The following CALD1 variants were observed in gnomAD, a reference collection of about 807,000 sequenced individuals.
CALD1 encodes the protein caldesmon 1.
A neutral mutation model predicts 99.9 loss-of-function variants in CALD1; 33 were observed. The ratio of observed to expected loss-of-function variants is 0.33; its 90% CI spans 0.25 to 0.44. CALD1 has a LOEUF of 0.44. CALD1 is among the 20% of genes least tolerant of loss of function. The pLI, the probability that CALD1 is intolerant of heterozygous loss-of-function variation, is 1.00. For missense variants in CALD1, 861 were observed against 962.1 expected (o/e 0.89, Z 1.39); for synonymous variants, 310 against 325.0 (o/e 0.95, Z 0.50).
intron 1 of CALD1, among the ~76,000 whole-genome samples, chr7:134,787,781 G>C (rs1295427577): frequency 6.6e-6 from 1 of 152,074 alleles, no homozygotes; most frequent in East Asian, 1.9e-4. Flanking sequence ...CTGAGTACAT[G>C]GATTATATTC....
chr7:134,946,181 AATTATAGTATATCAGT>A (rs1392670495), intron 7 of CALD1, among the ~76,000 whole-genome samples: 21 of 152,156 alleles, frequency 1.4e-4, no homozygotes, highest in African/African-American at 4.8e-4. Flanking sequence ...ATGATATAGA[AATTATAGTATATCAGT>A]ATGATATCAG....
chr7:134,730,765 T>A, the CALD1 span, among the ~76,000 whole-genome samples: 1 of 152,156 alleles, frequency 6.6e-6, no homozygotes, highest in Non-Finnish European at 1.5e-5. Context: ...AGGATTAAAA[T>A]AGACTTTTGG....
chr7:134,715,792 T>G, the CALD1 span, among the ~76,000 whole-genome samples: 1 of 152,212 alleles, frequency 6.6e-6, no homozygotes, highest in Non-Finnish European at 1.5e-5. Flanking sequence ...AGGCCATGTG[T>G]GGAAAATTTT....
chr7:134,791,298 G>T (rs1797523013), intron 1 of CALD1, among the ~76,000 whole-genome samples: 1 of 152,338 alleles, frequency 6.6e-6, no homozygotes, highest in East Asian at 1.9e-4. Flanking sequence ...CTGGGTTCAA[G>T]CGATTCTTTC....
At chr7:134,839,231 T>G (rs1799558669) in intron 1 of CALD1, among the ~76,000 whole-genome samples, 1 of 152,270 alleles carries the variant, frequency 6.6e-6, no homozygotes, top group African/African-American at 2.4e-5. Context: ...CTGAGATTGA[T>G]TGCCTGAGCA....
chr7:134,816,073 G>C (rs1798551011), intron 1 of CALD1, among the ~76,000 whole-genome samples: 1 of 152,172 alleles, frequency 6.6e-6, no homozygotes. Context: ...CCTATCTAAA[G>C]TTTTACTAAT....
chr7:134,950,680 G>C (rs1406823444), intron 9 of CALD1, among the ~76,000 whole-genome samples, 166 bp downstream of exon 9: 1 of 152,180 alleles, frequency 6.6e-6, no homozygotes, highest in African/African-American at 2.4e-5. Flanking sequence ...CTGGGGCCAG[G>C]CACGGTGGCT....
chr7:134,755,831 T>C (rs1367591337), intron 1 of CALD1, among the ~76,000 whole-genome samples: 1 of 152,240 alleles, frequency 6.6e-6, no homozygotes, highest in Non-Finnish European at 1.5e-5. Flanking sequence ...TAATCTTTCC[T>C]ACCCAAAGTA....
intron 3 of CALD1, among the ~76,000 whole-genome samples, chr7:134,885,890 G>A (rs966505269): frequency 6.6e-6 from 1 of 151,574 alleles, no homozygotes; most frequent in African/African-American, 2.4e-5. Flanking sequence ...TTTTGTAGAT[G>A]TGCACCAGCC....
chr7:134,722,804 T>C, the CALD1 span, among the ~76,000 whole-genome samples: 1 of 152,146 alleles, frequency 6.6e-6, no homozygotes, highest in Non-Finnish European at 1.5e-5. Context: ...TTTACTTCCA[T>C]TTACCCACAG....
intron 3 of CALD1, among the ~76,000 whole-genome samples, chr7:134,914,195 G>T (rs543380673): frequency 6.6e-6 from 1 of 152,252 alleles, no homozygotes; most frequent in African/African-American, 2.4e-5. Context: ...ATACGAGGTG[G>T]GCAAAGTGAG....
intron 1 of CALD1, among the ~76,000 whole-genome samples, chr7:134,768,646 G>T (rs538875394): frequency 6.6e-6 from 1 of 152,132 alleles, no homozygotes; most frequent in South Asian, 2.1e-4. Flanking sequence ...CTAGTTCTCT[G>T]GGGGGAGAAT....
chr7:134,742,016 TAC>T (rs112633191), upstream of CALD1, among the ~76,000 whole-genome samples: 2,511 of 147,738 alleles, frequency 0.017, 26 homozygotes, highest in Middle Eastern at 0.028. Context: ...GAGGTATTGA[TAC>T]ACACACACAC....
At chr7:134,712,054 G>A in the CALD1 span, among the ~76,000 whole-genome samples, 1 of 138,046 alleles carries the variant, frequency 7.2e-6, no homozygotes, top group African/African-American at 2.8e-5. Flanking sequence ...AGAGAGGGAG[G>A]GAGGGAGGGA....
At chr7:134,747,951 A>G (rs1796650304) in intron 1 of CALD1, among the ~76,000 whole-genome samples, 2 of 152,166 alleles carry the variant, frequency 1.3e-5, no homozygotes, top group African/African-American at 2.4e-5. Context: ...TCAACTCCAA[A>G]CAGAGAGAGC....
At chr7:134,928,733 G>A in intron 3 of CALD1, 21 bp from the exon 4 acceptor site, 1 of 1,611,196 alleles carries the variant, frequency 6.2e-7, no homozygotes, top group Non-Finnish European at 8.5e-7. Flanking sequence ...CGCTCAAGAG[G>A]TTGTCTTTGT....
intron 3 of CALD1, among the ~76,000 whole-genome samples, chr7:134,901,959 A>C (rs1370267873): frequency 6.6e-6 from 1 of 152,076 alleles, no homozygotes; most frequent in Non-Finnish European, 1.5e-5. Context: ...CTGGGGGTTA[A>C]GACTTTAACA....
At chr7:134,907,218 G>A (rs1348695940) in intron 3 of CALD1, among the ~76,000 whole-genome samples, 2 of 152,094 alleles carry the variant, frequency 1.3e-5, no homozygotes, top group African/African-American at 4.8e-5. Flanking sequence ...TCATAACAGG[G>A]AGATGTCTCA....
At chr7:134,733,285 C>T in the CALD1 span, among the ~76,000 whole-genome samples, 401 of 152,302 alleles carry the variant, frequency 2.6e-3, 1 homozygote, top group African/African-American at 7.7e-3. Flanking sequence ...ACCTCCAGAT[C>T]GGTTCCTTTC....
Sources: gnomAD v4.1 joint callset for allele counts (sites outside exome capture counted in the v4.1 genomes callset) on GRCh38, gnomAD v4.1.1 for gene constraint, MANE v1.5 for transcripts, NCBI Gene and HGNC (gene_info 2026-07-23, HGNC 2026-07-21) for gene names.